The following FILIP1L variants were observed in gnomAD, a reference collection of about 807,000 sequenced individuals.
The protein encoded by FILIP1L is filamin A-interacting protein 1-like.
A neutral mutation model predicts 96.6 loss-of-function variants in FILIP1L; 55 were observed. That is an observed-to-expected ratio of 0.57 (90% confidence interval 0.46 to 0.71). The LOEUF is 0.71. Among genes scored for constraint, FILIP1L ranks in the 30% least tolerant of loss-of-function variants. The pLI, the probability that FILIP1L is intolerant of heterozygous loss-of-function variation, is 0.00. For missense variants in FILIP1L, 1,304 were observed against 1,321.2 expected (o/e 0.99, Z 0.20); for synonymous variants, 467 against 473.9 (o/e 0.99, Z 0.19).
intron 5 of FILIP1L, among the ~76,000 whole-genome samples, chr3:99,832,248 T>A (rs561547735): frequency 6.3e-4 from 95 of 150,866 alleles, no homozygotes; most frequent in African/African-American, 2.1e-3. Context: ...TTTTTTTTTT[T>A]GAGACGGAGT....
intron 4 of FILIP1L, chr3:99,876,205 G>T (rs1343440417): frequency 6.1e-6 from 6 of 985,448 alleles, no homozygotes; most frequent in Admixed American, 6.1e-5. Context: ...CGGCCTATGG[G>T]CGTTACGTCA....
At chr3:99,940,606 T>TTAAAGATAAA (rs1707822779) in intron 1 of FILIP1L, among the ~76,000 whole-genome samples, 1 of 152,230 alleles carries the variant, frequency 6.6e-6, no homozygotes, top group Non-Finnish European at 1.5e-5. Context: ...ATTGTATCAC[T>TTAAAGATAAA]TCTTGTTCAT....
intron 4 of FILIP1L, among the ~76,000 whole-genome samples, chr3:99,876,439 G>A (rs1390748816): frequency 3.3e-5 from 5 of 152,246 alleles, no homozygotes; most frequent in Non-Finnish European, 5.9e-5. Context: ...CAAAGTCATT[G>A]GGAGGCAGGG....
chr3:99,878,098 A>G (rs1705596182), intron 4 of FILIP1L, among the ~76,000 whole-genome samples: 1 of 152,174 alleles, frequency 6.6e-6, no homozygotes, highest in South Asian at 2.1e-4. Flanking sequence ...TACTCCTTGT[A>G]TGCCCTTGCC....
chr3:99,884,767 C>A (rs1705839043), intron 4 of FILIP1L, among the ~76,000 whole-genome samples: 1 of 152,194 alleles, frequency 6.6e-6, no homozygotes, highest in Non-Finnish European at 1.5e-5. Flanking sequence ...CATTTTTGTA[C>A]AATTTAACCA....
At chr3:100,078,090 AGAT>A (rs968713715) in intron 1 of FILIP1L, among the ~76,000 whole-genome samples, 4 of 152,018 alleles carry the variant, frequency 2.6e-5, no homozygotes, top group Non-Finnish European at 4.4e-5. Flanking sequence ...AAAAAAAAAA[AGAT>A]AATATATGCT....
chr3:100,061,956 G>C (rs2107346540), intron 1 of FILIP1L, among the ~76,000 whole-genome samples: 1 of 152,008 alleles, frequency 6.6e-6, no homozygotes, highest in Middle Eastern at 3.4e-3. Flanking sequence ...CATTCACATT[G>C]TTATGCAACC....
chr3:99,995,794 C>T (rs1046395152), intron 1 of FILIP1L, among the ~76,000 whole-genome samples: 1 of 152,188 alleles, frequency 6.6e-6, no homozygotes, highest in African/African-American at 2.4e-5. Flanking sequence ...TCAAGGTCTG[C>T]GTTGGCCCCT....
At position 99,866,170 on chromosome 3, in the gene FILIP1L, TG is replaced by T. The variant is rs1187166653; in HGVS notation, c.606-15101del. 2.0e-5 allele frequency among the ~76,000 whole-genome samples: 3 copies of T among 151,966 alleles called. No individual in the cohort carries two copies. In the East Asian group the frequency reaches 5.8e-4, roughly 29 times the overall value. ...AAAGTTAAAACTTTTTTTAAGCCTG[TG>T]TTTTTTTTTTTAAAGGCTTTCCTTT... On this transcript the variant is annotated intron_variant, in intron 4 of 5. Transcript: ENST00000477258.
rs531386635 is a variant in FILIP1L, at chr3:100,058,336, C to T, written c.-11+55717G>A. ...CCTACTTACAGAATGAAACTTTGTA[C>T]AATCAGATGCTTATAAACGGGTATG... On this transcript the variant is annotated intron_variant, in intron 1 of 5. Transcript: ENST00000477258. 7.3e-3 allele frequency among the ~76,000 whole-genome samples: 1,109 copies of T among 152,280 alleles called. 4 individuals are homozygous for T. Among genetic ancestry groups the T allele is most frequent in the African/African-American group, 0.01 (419 of 41,554 alleles).
intron 1 of FILIP1L, among the ~76,000 whole-genome samples, chr3:100,100,838 C>G (rs1328808183): frequency 6.6e-6 from 1 of 152,082 alleles, no homozygotes; most frequent in African/African-American, 2.4e-5. Flanking sequence ...GTCCTGGTGT[C>G]TTTTGAAGAG....
intron 1 of FILIP1L, among the ~76,000 whole-genome samples, chr3:99,973,583 C>G (rs1175190268): frequency 6.6e-6 from 1 of 152,104 alleles, no homozygotes; most frequent in Non-Finnish European, 1.5e-5. Context: ...TTATCAACAT[C>G]CTCCCTTCAG....
At chr3:99,928,080 G>A (rs1471434036) in intron 3 of FILIP1L, among the ~76,000 whole-genome samples, 7 of 152,166 alleles carry the variant, frequency 4.6e-5, no homozygotes, top group Non-Finnish European at 1.0e-4. Context: ...CAAGATGGGG[G>A]AATGCAAAAG....
intron 5 of FILIP1L, among the ~76,000 whole-genome samples, chr3:99,842,131 C>G (rs1943160559): frequency 6.6e-6 from 1 of 152,110 alleles, no homozygotes; most frequent in South Asian, 2.1e-4. Flanking sequence ...GGTATATATA[C>G]ACCATGGAAT....
chr3:99,976,285 T>C (rs1260573203), intron 1 of FILIP1L, among the ~76,000 whole-genome samples: 1 of 152,220 alleles, frequency 6.6e-6, no homozygotes, highest in East Asian at 1.9e-4. Context: ...CTGTGGCCCA[T>C]ATGCTACGCG....
Position 99,849,648 on chromosome 3 carries a change from C to T in FILIP1L, c.2028G>A (p.Glu676=), listed in dbSNP as rs779373893. ...CAAGTTCCATTTTAACATGTTCTAG[C>T]TCTTTAGATAAAAATTGAGCTTTGT... ...ERDKAQFLSK[E]LEHVKMELAK... is the part of the protein sequence containing the mutation. Residue 676 remains glutamate (E), a synonymous_variant, in exon 5 of 6, where the codon GAG becomes GAA. Transcript: ENST00000477258. 2.5e-6 allele frequency: 4 copies of T among 1,613,232 alleles called. No homozygotes were observed. Among genetic ancestry groups the T allele is most frequent in the African/African-American group, 1.3e-5 (1 of 74,902 alleles).
At chr3:99,880,411 A>G (rs1705684622) in intron 4 of FILIP1L, among the ~76,000 whole-genome samples, 1 of 152,180 alleles carries the variant, frequency 6.6e-6, no homozygotes, top group African/African-American at 2.4e-5. Flanking sequence ...GCAGGTCTAT[A>G]TATATAGACC....
At chr3:99,954,956 C>G (rs143730194) in intron 1 of FILIP1L, among the ~76,000 whole-genome samples, 32 of 152,318 alleles carry the variant, frequency 2.1e-4, no homozygotes, top group African/African-American at 7.7e-4. Context: ...AAGGCAAAAT[C>G]ACTTTGAATA....
At chr3:99,947,899 A>G (rs1708056661) in intron 1 of FILIP1L, among the ~76,000 whole-genome samples, 2 of 152,302 alleles carry the variant, frequency 1.3e-5, no homozygotes, top group South Asian at 4.1e-4. Flanking sequence ...TTTTCCTTTC[A>G]TGGAGGAAGC....
Sources: allele counts gnomAD v4.1 joint callset (sites outside exome capture counted in the v4.1 genomes callset), GRCh38; gene constraint gnomAD v4.1.1; transcripts MANE v1.5; gene names NCBI Gene and HGNC (gene_info 2026-07-23, HGNC 2026-07-21).